CTNNA3: variants seen among roughly 807,000 people sequenced by gnomAD.
CTNNA3 encodes catenin alpha 3, also known as catenin alpha-3.
CTNNA3 carries 76 observed loss-of-function variants against 95.7 expected under a neutral mutation model. The ratio of observed to expected loss-of-function variants is 0.79; its 90% confidence interval spans 0.66 to 0.96. The LOEUF is 0.96. Ranked by LOEUF, CTNNA3 falls within the 40% of genes least tolerant of loss-of-function variation. CTNNA3 has a pLI of 0.00. For missense variants in CTNNA3, 1,191 were observed against 1,089.8 expected (o/e 1.09, Z -1.31); for synonymous variants, 431 against 374.4 (o/e 1.15, Z -1.74).
At chr10:66,774,266 A>G (rs542161116) in intron 8 of CTNNA3, among the ~76,000 whole-genome samples, 32 of 152,240 alleles carry the variant, frequency 2.1e-4, no homozygotes, top group African/African-American at 7.5e-4. Context: ...AAGACGATGG[A>G]GAATAGGGAT....
At position 66,690,207 on chromosome 10, in the gene CTNNA3, T is replaced by G. The variant is rs60961561; in HGVS notation, c.1282-68423A>C. 7.0e-3 allele frequency among the ~76,000 whole-genome samples: 1,071 copies of G among 152,318 alleles called. 12 individuals are homozygous for G. The highest frequency in any genetic ancestry group is 0.024 in the African/African-American group (1,015 of 41,574). On this transcript the variant is annotated intron_variant, in intron 9 of 17. Transcript: ENST00000433211. ...AATGAAGGTTCATCAATGGTGGCTC[T>G]AGAAATAGATCATGGGAAGGACTTG... is the stretch of plus-strand genomic sequence containing the variant.
chr10:66,848,582 A>C (rs1272783730), intron 7 of CTNNA3, among the ~76,000 whole-genome samples: 1 of 152,222 alleles, frequency 6.6e-6, no homozygotes, highest in Non-Finnish European at 1.5e-5. Flanking sequence ...CTGTGAAAAC[A>C]AACACCAAAT....
chr10:66,101,073 G>A (rs113616872), intron 14 of CTNNA3, among the ~76,000 whole-genome samples: 1 of 152,064 alleles, frequency 6.6e-6, no homozygotes, highest in Non-Finnish European at 1.5e-5. Context: ...ACCTTCAGTG[G>A]CATCAGCCTG....
chr10:66,769,544 G>T (rs930693190), intron 8 of CTNNA3, among the ~76,000 whole-genome samples: 1 of 152,136 alleles, frequency 6.6e-6, no homozygotes, highest in East Asian at 1.9e-4. Flanking sequence ...TTTGCTGGGG[G>T]GAACAGTTCC....
intron 13 of CTNNA3, among the ~76,000 whole-genome samples, chr10:66,135,929 T>C (rs1043752553): frequency 2.7e-5 from 4 of 149,562 alleles, no homozygotes; most frequent in African/African-American, 9.9e-5. Context: ...TGAGATGGAG[T>C]CTTGCTCTGT....
At chr10:67,761,875 CAA>C (rs56264829) in intron 1 of CTNNA3, among the ~76,000 whole-genome samples, 39 of 132,432 alleles carry the variant, frequency 2.9e-4, no homozygotes, top group Admixed American at 5.4e-4. Flanking sequence ...AAGACTCCGT[CAA>C]AAAAAAAAAA....
At chr10:66,451,467 T>C (rs1303143249) in intron 11 of CTNNA3, among the ~76,000 whole-genome samples, 1 of 152,010 alleles carries the variant, frequency 6.6e-6, no homozygotes, top group Non-Finnish European at 1.5e-5. Context: ...AGTTAGGAAA[T>C]AAAAACGTAT....
chr10:67,010,804 T>A (rs1431686987), intron 7 of CTNNA3, among the ~76,000 whole-genome samples: 3 of 152,218 alleles, frequency 2.0e-5, no homozygotes, highest in Non-Finnish European at 4.4e-5. Context: ...ATATCCATAT[T>A]TGTATGCCCA....
rs190974108 is a variant in CTNNA3 at position 66,367,408 on chromosome 10, A to C, written c.1732+11744T>G. 2.7e-3 allele frequency among the ~76,000 whole-genome samples: 410 copies of C among 151,918 alleles called. 2 individuals are homozygous for C. Among genetic ancestry groups the C allele is most frequent in the African/African-American group, 9.6e-3 (397 of 41,460 alleles). On this transcript the variant is annotated intron_variant, in intron 12 of 17. Transcript: ENST00000433211. ...CCAAATGATCATTTAAAACAAAAGA[A>C]ATCAATCATTGACATGTTATATATA...
intron 7 of CTNNA3, among the ~76,000 whole-genome samples, chr10:67,078,007 T>C (rs1412488690): frequency 4.6e-5 from 7 of 152,230 alleles, no homozygotes; most frequent in South Asian, 2.1e-4. Flanking sequence ...ATCTGTTACT[T>C]TGGATAATTC....
intron 3 of CTNNA3, among the ~76,000 whole-genome samples, chr10:67,576,644 G>A (rs1277371278): frequency 4.1e-5 from 6 of 145,510 alleles, no homozygotes; most frequent in Admixed American, 3.4e-4. Context: ...ATGCTGGTGT[G>A]CTGCACCCAT....
At chr10:67,668,675 A>C (rs1355261600) in intron 1 of CTNNA3, among the ~76,000 whole-genome samples, 1 of 152,064 alleles carries the variant, frequency 6.6e-6, no homozygotes, top group South Asian at 2.1e-4. Flanking sequence ...ATAACAGGAT[A>C]ACACAAGATC....
At chr10:66,898,249 C>T (rs1428065116) in intron 7 of CTNNA3, among the ~76,000 whole-genome samples, 1 of 152,148 alleles carries the variant, frequency 6.6e-6, no homozygotes. Flanking sequence ...ATTATTTCTG[C>T]CTTCTCTGTA....
At chr10:66,133,241 GCAGTGGCTAATGCCT>G (rs1554859823) in intron 13 of CTNNA3, among the ~76,000 whole-genome samples, 1 of 152,162 alleles carries the variant, frequency 6.6e-6, no homozygotes, top group Non-Finnish European at 1.5e-5. Context: ...CTAGCCATGT[GCAGTGGCTAATGCCT>G]GTAATCCCAG....
At chr10:66,195,661 CT>C (rs777641062) in intron 13 of CTNNA3, among the ~76,000 whole-genome samples, 7 of 152,114 alleles carry the variant, frequency 4.6e-5, no homozygotes, top group Non-Finnish European at 8.8e-5. Flanking sequence ...TCAATCTTTC[CT>C]TTATTGCAAT....
chr10:66,909,220 C>T (rs1846118515), intron 7 of CTNNA3, among the ~76,000 whole-genome samples: 1 of 152,042 alleles, frequency 6.6e-6, no homozygotes, highest in African/African-American at 2.4e-5. Flanking sequence ...GGAGTAAATA[C>T]AAGATCACTA....
rs1297933220 is a variant in CTNNA3 at position 66,845,729 on chromosome 10, A to AAAAAAAAC, written c.1048-70206_1048-70205insGTTTTTTT. ...AAAAAAAAAAAAAAAAAAAAAAAAA[A>AAAAAAAAC]CTAAAAAGGTGAGATATATATACAT... is the stretch of plus-strand genomic sequence containing the variant. On this transcript the variant is annotated intron_variant, in intron 7 of 17. Transcript: ENST00000433211. Among the ~76,000 whole-genome samples, 156 of 87,722 alleles carry AAAAAAAAC rather than the reference A, an allele frequency of 1.8e-3. 6 individuals are homozygous for AAAAAAAAC. The highest frequency in any genetic ancestry group is 2.7e-3 in the Non-Finnish European group (105 of 38,944). 57.5% of individuals were successfully genotyped at this position (87,722 alleles called of 152,430 possible).
Position 66,114,405 on chromosome 10 carries a change from T to C in CTNNA3, c.1885-11156A>G, listed in dbSNP as rs547370432. On this transcript the variant is annotated intron_variant, in intron 13 of 17. Transcript: ENST00000433211. ...ATGTGTGTATATATGTATATGTGTA[T>C]ATATGTATATTTGTGTATATTCGTA... Among the ~76,000 whole-genome samples the C allele has an allele frequency of 3.1e-4, 47 of 151,894 alleles. No individual in the cohort carries two copies. In the South Asian group the frequency reaches 7.7e-3, roughly 25 times the overall value.
intron 7 of CTNNA3, among the ~76,000 whole-genome samples, chr10:66,983,564 G>C (rs34231128): frequency 0.16 from 24,968 of 152,032 alleles, 2,199 homozygotes; most frequent in Middle Eastern, 0.22. Context: ...ATCTAAACTG[G>C]AGTTTTTATT....
Sources: allele counts gnomAD v4.1 joint callset (sites outside exome capture counted in the v4.1 genomes callset), GRCh38; gene constraint gnomAD v4.1.1; transcripts MANE v1.5; gene names NCBI Gene and HGNC (gene_info 2026-07-23, HGNC 2026-07-21).